MTSS1: variants seen among roughly 807,000 people sequenced by gnomAD.
The protein encoded by MTSS1 is protein MTSS 1.
Under a neutral mutation model 79.0 loss-of-function variants are expected in MTSS1, and 18 were observed. The observed-to-expected ratio is 0.23, with a 90% confidence interval of 0.16 to 0.34. The LOEUF (loss-of-function observed/expected upper bound fraction) is 0.34, where lower values mean the gene tolerates loss of function less well. Among genes scored for constraint, MTSS1 ranks in the 10% least tolerant of loss-of-function variants. The probability of loss-of-function intolerance (pLI) is 1.00; values close to 1 mark genes in which losing one functional copy is unlikely to be tolerated. For synonymous variants in MTSS1, 341 were observed against 368.6 expected, an observed-to-expected ratio of 0.93 and a Z score of 0.86; for missense variants, 815 against 986.2, an observed-to-expected ratio of 0.83 and a Z score of 2.33.
intron 3 of MTSS1, among the ~76,000 whole-genome samples, chr8:124,667,410 C>T (rs920375284): frequency 1.3e-4 from 19 of 151,732 alleles, no homozygotes; most frequent in African/African-American, 3.9e-4. Flanking sequence ...TTCGGGAGGC[C>T]GAGGCGGGTG....
intron 1 of MTSS1, among the ~76,000 whole-genome samples, chr8:124,712,719 A>T (rs1831349269): frequency 6.6e-6 from 1 of 152,140 alleles, no homozygotes; most frequent in Non-Finnish European, 1.5e-5. Context: ...GGGGATAATC[A>T]ATGGTTGCTT....
At chr8:124,600,512 G>C (rs530608706) in intron 3 of MTSS1, among the ~76,000 whole-genome samples, 1 of 152,332 alleles carries the variant, frequency 6.6e-6, no homozygotes, top group African/African-American at 2.4e-5. Context: ...GCAGGGGCTG[G>C]AATATTTTAC....
At chr8:124,573,774 A>T (rs976161991) in intron 6 of MTSS1, among the ~76,000 whole-genome samples, 1 of 152,192 alleles carries the variant, frequency 6.6e-6, no homozygotes, top group African/African-American at 2.4e-5. Flanking sequence ...TTCTTCTGTA[A>T]TATCTTAGGC....
At position 124,553,648 on chromosome 8, in the gene MTSS1, C is replaced by G. The variant is rs1283800592; in HGVS notation, c.1612G>C (p.Asp538His). The change falls in exon 14 of 14, where the codon GAT becomes CAT. Residue 538 changes from aspartate (D) to histidine (H), a missense_variant. Asp to His is a moderately conservative substitution (Grantham distance 81). Transcript: ENST00000518547. This position sits in a 1 kb window ranked among gnomAD's most constrained non-coding sequence, Gnocchi z 6.0. ...YFSVSGDQEA[D>H]QQEFDKSSTI... ...GAGGACTTGTCGAACTCCTGCTGATCTGCCTCCTGGTCACCACTTACAGAG... is the reference window on the plus strand; with the variant it reads ...GAGGACTTGTCGAACTCCTGCTGATGTGCCTCCTGGTCACCACTTACAGAG... 2 of 1,613,982 alleles carry G rather than the reference C, an allele frequency of 1.2e-6. No individual in the cohort carries two copies. The highest frequency in any genetic ancestry group is 3.3e-5 in the Admixed American group (2 of 60,008).
intron 3 of MTSS1, among the ~76,000 whole-genome samples, chr8:124,692,567 C>G (rs900913919): frequency 9.2e-5 from 14 of 152,126 alleles, no homozygotes; most frequent in Admixed American, 2.0e-4. Flanking sequence ...CAGCTGGGAA[C>G]CCAAACAACC....
intron 3 of MTSS1, among the ~76,000 whole-genome samples, chr8:124,668,441 G>A (rs1031233977): frequency 5.9e-5 from 9 of 152,138 alleles, no homozygotes; most frequent in African/African-American, 2.2e-4. Flanking sequence ...AGCTCCGTTT[G>A]AAAACCCGCC....
intron 3 of MTSS1, among the ~76,000 whole-genome samples, chr8:124,630,430 A>G (rs2133795934): frequency 6.6e-6 from 1 of 152,328 alleles, no homozygotes; most frequent in Admixed American, 6.5e-5. Flanking sequence ...AAAGGCTGGG[A>G]GGAAGAAGAG....
intron 3 of MTSS1, among the ~76,000 whole-genome samples, chr8:124,622,485 GAAAAAA>G (rs74650146): frequency 2.0e-5 from 2 of 99,536 alleles, no homozygotes; most frequent in African/African-American, 3.3e-5. Flanking sequence ...TTGCCATATT[GAAAAAA>G]AAAAAAAAAA....
rs1454695253 is a variant in MTSS1 at position 124,653,595 on chromosome 8, G to A, written c.208+45931C>T. On this transcript the variant is annotated intron_variant, in intron 3 of 13. Coordinates refer to ENST00000518547, the MANE Select transcript of MTSS1 (RefSeq NM_014751.6). Reference sequence around the variant, plus strand: ...AAAAATTAGCTGGGCATGGTGGCATGTGTCTGTAATCCCAGCTACTTGGGA... The same window carrying A: ...AAAAATTAGCTGGGCATGGTGGCATATGTCTGTAATCCCAGCTACTTGGGA... 2.0e-5 allele frequency among the ~76,000 whole-genome samples: 3 copies of A among 152,018 alleles called. No homozygotes were observed. In the East Asian group the frequency reaches 5.8e-4, roughly 29 times the overall value.
At chr8:124,631,191 G>A (rs568770089) in intron 3 of MTSS1, among the ~76,000 whole-genome samples, 5 of 152,272 alleles carry the variant, frequency 3.3e-5, no homozygotes, top group South Asian at 2.1e-4. Flanking sequence ...GGTGGGGCAC[G>A]GGGACAGGCC....
chr8:124,650,864 C>A (rs1260746717), intron 3 of MTSS1, among the ~76,000 whole-genome samples: 1 of 152,158 alleles, frequency 6.6e-6, no homozygotes, highest in Non-Finnish European at 1.5e-5. Flanking sequence ...TGGTGTATGG[C>A]CCGGATTCAA....
chr8:124,636,928 C>T (rs1817109091), intron 3 of MTSS1, among the ~76,000 whole-genome samples: 1 of 152,318 alleles, frequency 6.6e-6, no homozygotes, highest in East Asian at 1.9e-4. Flanking sequence ...CCAGGTCTTA[C>T]TTATTAAATT....
chr8:124,702,602 C>G (rs1340280306), intron 2 of MTSS1, among the ~76,000 whole-genome samples: 3 of 152,176 alleles, frequency 2.0e-5, no homozygotes, highest in Admixed American at 6.5e-5. Flanking sequence ...CATGGACACT[C>G]TAGTCCTATG....
In MTSS1 at chr8:124,553,229, G is replaced by A. The variant is rs1037022693; in HGVS notation, c.2031C>T (p.Gly677=). The A allele has an allele frequency of 3.1e-6, 5 of 1,614,042 alleles. No homozygotes were observed. The African/African-American group carries it at 6.7e-5, about 22-fold the overall frequency. Residue 677 remains glycine (G), a synonymous_variant, in exon 14 of 14, where the codon GGC becomes GGT. Transcript: ENST00000518547. This position sits in a 1 kb window ranked among gnomAD's most constrained non-coding sequence, Gnocchi z 6.0. ...GCTCCTCAGGGATACTGGGCTTCGG[G>A]CCTGGAAGTGGAGGGTTAACGGAAG... The part of the protein sequence containing the change: ...GQASVNPPLP[G]PKPSIPEEHR...
intron 3 of MTSS1, among the ~76,000 whole-genome samples, chr8:124,598,935 G>A (rs992192493): frequency 2.0e-5 from 3 of 152,296 alleles, no homozygotes; most frequent in African/African-American, 7.2e-5. Flanking sequence ...AAGAATGGGT[G>A]GTGGATAAGA....
chr8:124,586,997 A>G (rs981766469), intron 5 of MTSS1, among the ~76,000 whole-genome samples: 2 of 152,172 alleles, frequency 1.3e-5, no homozygotes, highest in African/African-American at 4.8e-5. Flanking sequence ...TACACATCCT[A>G]TTTGAAGTCT....
At chr8:124,628,848 G>A (rs1815271419) in intron 3 of MTSS1, among the ~76,000 whole-genome samples, 1 of 152,166 alleles carries the variant, frequency 6.6e-6, no homozygotes, top group Admixed American at 6.5e-5. Flanking sequence ...TGCCATAGGT[G>A]GGTAGACCTA....
chr8:124,648,519 T>C (rs1385995128), intron 3 of MTSS1, among the ~76,000 whole-genome samples: 1 of 151,930 alleles, frequency 6.6e-6, no homozygotes, highest in African/African-American at 2.4e-5. Context: ...CACAGCTCCT[T>C]AGTAGAGGGA....
In MTSS1 at chr8:124,728,446, C is replaced by G. The variant is rs1192721129; in HGVS notation, c.-491G>C. 4.6e-5 allele frequency: 7 copies of G among 151,766 alleles called. No individual in the cohort carries two copies. Among genetic ancestry groups the G allele is most frequent in the African/African-American group, 1.7e-4 (7 of 41,408 alleles). The allele number at this position is 151,766 out of a possible 1,614,324, so 9.4% of individuals were successfully genotyped here. ...TGCGGCCGCCGCCTCCTTTTCACTC[C>G]TGCGCGCCCGGCCCCGGCGCTCGCT... is the stretch of plus-strand genomic sequence containing the variant. On this transcript the variant is annotated 5_prime_UTR_variant, in exon 1 of 14. Coordinates refer to ENST00000518547, the MANE Select transcript of MTSS1 (RefSeq NM_014751.6). The surrounding 1 kb of genome is among the most constrained non-coding windows in gnomAD (Gnocchi z 6.1).
Sources: gnomAD v4.1 joint callset for allele counts (sites outside exome capture counted in the v4.1 genomes callset) on GRCh38, gnomAD v4.1.1 for gene constraint, Gnocchi (gnomAD v3.1) non-coding constraint, MANE v1.5 for transcripts, NCBI Gene and HGNC (gene_info 2026-07-23, HGNC 2026-07-21) for gene names.